APP: variants seen among roughly 807,000 people sequenced by gnomAD.
The protein encoded by APP is amyloid-beta precursor protein.
In APP, 31 loss-of-function variants were observed where a neutral mutation model predicts 101.4. The ratio of observed to expected loss-of-function variants is 0.31; its 90% CI spans 0.23 to 0.41. APP has a LOEUF of 0.41. APP is among the 10% of genes least tolerant of loss of function. The pLI is 1.00. For missense variants in APP, 839 were observed against 1,003.7 expected (o/e 0.84, Z 2.22); for synonymous variants, 366 against 364.4 (o/e 1.00, Z -0.05).
chr21:25,997,711 C>T (rs1205536789), intron 7 of APP, among the ~76,000 whole-genome samples: 2 of 152,148 alleles, frequency 1.3e-5, no homozygotes, highest in African/African-American at 2.4e-5. Flanking sequence ...CAATTCCCTT[C>T]GATGCATTTT....
intron 15 of APP, among the ~76,000 whole-genome samples, chr21:25,899,778 T>G (rs1280427128): frequency 6.6e-6 from 1 of 152,216 alleles, no homozygotes; most frequent in East Asian, 1.9e-4. Context: ...GCTGCTAAAT[T>G]CTCGCGTTAT....
intron 3 of APP, among the ~76,000 whole-genome samples, chr21:26,069,781 T>C (rs1027153149): frequency 1.9e-4 from 29 of 152,170 alleles, no homozygotes; most frequent in Admixed American, 5.9e-4. Context: ...ATTTTCCAAA[T>C]AAAAACCTCC....
intron 6 of APP, among the ~76,000 whole-genome samples, chr21:26,002,004 C>G (rs928689577): frequency 5.9e-5 from 9 of 152,210 alleles, no homozygotes; most frequent in Non-Finnish European, 1.2e-4. Context: ...GGGATACTTA[C>G]GTCAACAAGT....
intron 1 of APP, among the ~76,000 whole-genome samples, chr21:26,164,973 T>C (rs921149620): frequency 6.6e-6 from 1 of 152,196 alleles, no homozygotes. Flanking sequence ...TGTACTGTTT[T>C]AAATTTTTCA....
chr21:25,991,334 T>TA (rs2042854646), intron 8 of APP, among the ~76,000 whole-genome samples: 1 of 152,034 alleles, frequency 6.6e-6, no homozygotes, highest in African/African-American at 2.4e-5. Context: ...AAAATAAAAA[T>TA]AAAAAAACCT....
At chr21:25,960,420 G>T (rs1228165425) in intron 11 of APP, among the ~76,000 whole-genome samples, 1 of 151,994 alleles carries the variant, frequency 6.6e-6, no homozygotes, top group Non-Finnish European at 1.5e-5. Flanking sequence ...ATCCTAAATG[G>T]GTCCTGTTAA....
chr21:26,093,261 G>A (rs1285780388), intron 2 of APP, among the ~76,000 whole-genome samples: 4 of 152,254 alleles, frequency 2.6e-5, no homozygotes, highest in African/African-American at 9.6e-5. Flanking sequence ...GCACTCATGA[G>A]TCATAAACTG....
At chr21:25,995,488 A>G (rs904474795) in intron 8 of APP, among the ~76,000 whole-genome samples, 13 of 152,178 alleles carry the variant, frequency 8.5e-5, no homozygotes, top group Admixed American at 4.6e-4. Context: ...TGGTCCTGCC[A>G]TGTTCGATGG....
At chr21:25,966,824 G>T (rs2041815499) in intron 11 of APP, among the ~76,000 whole-genome samples, 1 of 152,146 alleles carries the variant, frequency 6.6e-6, no homozygotes, top group Admixed American at 6.5e-5. Flanking sequence ...CACCCACATT[G>T]GTTAAAGTTT....
chr21:25,973,969 A>G (rs1420863757), intron 11 of APP, among the ~76,000 whole-genome samples: 2 of 147,692 alleles, frequency 1.4e-5, no homozygotes, highest in Non-Finnish European at 1.5e-5. Flanking sequence ...AAAAAAGAAC[A>G]AGTGGACATA....
chr21:26,049,622 C>T (rs530154402), intron 5 of APP, among the ~76,000 whole-genome samples: 1 of 152,114 alleles, frequency 6.6e-6, no homozygotes, highest in South Asian at 2.1e-4. Context: ...ATCCCAGAAG[C>T]AACTAAAGAA....
At chr21:26,004,704 C>T (rs546088823) in intron 6 of APP, among the ~76,000 whole-genome samples, 1 of 152,148 alleles carries the variant, frequency 6.6e-6, no homozygotes, top group Non-Finnish European at 1.5e-5. Flanking sequence ...GCACAACGTG[C>T]AGGTTTGTTA....
chr21:26,134,492 C>T (rs1000540063), intron 1 of APP, among the ~76,000 whole-genome samples: 1 of 152,192 alleles, frequency 6.6e-6, no homozygotes, highest in African/African-American at 2.4e-5. Flanking sequence ...ACAAAGGACA[C>T]ACAGATGAAC....
chr21:25,905,211 A>G (rs1175392467), intron 14 of APP, 134 bp from the exon 15 acceptor site: 2 of 764,304 alleles, frequency 2.6e-6, no homozygotes, highest in African/African-American at 3.4e-5. Context: ...CAGCCAGAAA[A>G]GAACCACAGT....
chr21:25,896,536 G>A (rs909508604), intron 16 of APP, among the ~76,000 whole-genome samples: 9 of 151,994 alleles, frequency 5.9e-5, no homozygotes, highest in Admixed American at 4.6e-4. Flanking sequence ...TAAAATTGTC[G>A]TCTTCATTAA....
intron 1 of APP, among the ~76,000 whole-genome samples, chr21:26,155,565 G>A (rs1426040558): frequency 6.6e-6 from 1 of 152,114 alleles, no homozygotes; most frequent in Non-Finnish European, 1.5e-5. Flanking sequence ...ATGAGCCCAG[G>A]AATCTGTATG....
chr21:26,067,417 A>G (rs2046498403), intron 3 of APP, among the ~76,000 whole-genome samples: 1 of 152,244 alleles, frequency 6.6e-6, no homozygotes, highest in South Asian at 2.1e-4. Context: ...TTAGAGATCA[A>G]TAATATATTT....
chr21:25,993,487 A>C (rs2042946336), intron 8 of APP, among the ~76,000 whole-genome samples: 1 of 152,212 alleles, frequency 6.6e-6, no homozygotes, highest in African/African-American at 2.4e-5. Flanking sequence ...CTGCTGCCAC[A>C]GTAGCTTACA....
At chr21:26,132,052 AAC>A (rs2146277141) in intron 1 of APP, among the ~76,000 whole-genome samples, 1 of 152,248 alleles carries the variant, frequency 6.6e-6, no homozygotes, top group South Asian at 2.1e-4. Context: ...TAATTTTGTA[AAC>A]AGAGTCAGTT....
Sources: allele counts gnomAD v4.1 joint callset (sites outside exome capture counted in the v4.1 genomes callset), GRCh38; gene constraint gnomAD v4.1.1; transcripts MANE v1.5; gene names NCBI Gene and HGNC (gene_info 2026-07-23, HGNC 2026-07-21).